Variants in MED12L observed in about 807,000 individuals in gnomAD.
The protein encoded by MED12L is mediator of RNA polymerase II transcription subunit 12-like protein.
MED12L carries 60 observed loss-of-function variants against 281.3 expected under a neutral mutation model. The ratio of observed to expected loss-of-function variants is 0.21; its 90% CI spans 0.17 to 0.26. The LOEUF (loss-of-function observed/expected upper bound fraction) is 0.26, where lower values mean the gene tolerates loss of function less well. Among genes scored for constraint, MED12L ranks in the 10% least tolerant of loss-of-function variants. MED12L has a pLI of 1.00. For missense variants in MED12L, 2,146 were observed against 2,680.9 expected, an observed-to-expected ratio of 0.80 and a Z score of 4.41; for synonymous variants, 974 against 987.2, an observed-to-expected ratio of 0.99 and a Z score of 0.25.
intron 2 of MED12L, among the ~76,000 whole-genome samples, chr3:151,111,855 G>A (rs569997223): frequency 1.9e-4 from 29 of 152,270 alleles, no homozygotes; most frequent in African/African-American, 7.0e-4. Context: ...GGAGTTAGTT[G>A]GTTGTGGCTG....
chr3:151,268,322 AAAAG>A (rs1188402814), intron 16 of MED12L, among the ~76,000 whole-genome samples: 1 of 152,172 alleles, frequency 6.6e-6, no homozygotes, highest in African/African-American at 2.4e-5. Context: ...TAATTTGTTA[AAAAG>A]AATTCAGTCT....
chr3:151,229,012 T>C (rs1731084468), intron 16 of MED12L, among the ~76,000 whole-genome samples: 1 of 152,228 alleles, frequency 6.6e-6, no homozygotes, highest in African/African-American at 2.4e-5. Flanking sequence ...TATCCTTTGC[T>C]GTGAAGATGA....
chr3:151,126,543 T>G (rs1714555674), intron 4 of MED12L, among the ~76,000 whole-genome samples: 1 of 152,206 alleles, frequency 6.6e-6, no homozygotes, highest in African/African-American at 2.4e-5. Context: ...GACATGTCAG[T>G]GCACAGATAT....
chr3:151,407,310 A>G (rs1000634106), intron 39 of MED12L, among the ~76,000 whole-genome samples: 34 of 152,242 alleles, frequency 2.2e-4, no homozygotes, highest in Non-Finnish European at 4.3e-4. Flanking sequence ...TGTCACATGC[A>G]GATCGCATTC....
chr3:151,239,437 G>C (rs1306470997), intron 16 of MED12L, among the ~76,000 whole-genome samples: 1 of 152,186 alleles, frequency 6.6e-6, no homozygotes, highest in Non-Finnish European at 1.5e-5. Context: ...TTTTGCAAGA[G>C]ATTGGACATG....
intron 16 of MED12L, among the ~76,000 whole-genome samples, chr3:151,243,359 C>T (rs1734638991): frequency 6.6e-6 from 1 of 150,796 alleles, no homozygotes; most frequent in Non-Finnish European, 1.5e-5. Context: ...TTAAGGGCAG[C>T]CAGAGAGAAA....
At chr3:151,184,772 G>A (rs1391917065) in intron 11 of MED12L, among the ~76,000 whole-genome samples, 2 of 152,092 alleles carry the variant, frequency 1.3e-5, no homozygotes, top group Non-Finnish European at 2.9e-5. Context: ...TTTGGTGCTG[G>A]GCTGTCATTT....
intron 40 of MED12L, among the ~76,000 whole-genome samples, chr3:151,410,145 T>C (rs969696040): frequency 6.6e-6 from 1 of 152,198 alleles, no homozygotes; most frequent in African/African-American, 2.4e-5. Flanking sequence ...AGATGAAGTG[T>C]ATGAGGACAA....
chr3:151,296,523 C>G (rs1232261159), intron 16 of MED12L, among the ~76,000 whole-genome samples: 2 of 152,094 alleles, frequency 1.3e-5, no homozygotes, highest in Non-Finnish European at 2.9e-5. Flanking sequence ...TGGAGGAGTA[C>G]TTACCAGTCT....
intron 16 of MED12L, among the ~76,000 whole-genome samples, chr3:151,260,117 G>C (rs1409936562): frequency 6.6e-6 from 1 of 152,184 alleles, no homozygotes; most frequent in African/African-American, 2.4e-5. Context: ...GGTGGGCTTA[G>C]GGTAGCAGAT....
chr3:151,129,323 A>G (rs1715002468), intron 5 of MED12L, among the ~76,000 whole-genome samples: 1 of 152,214 alleles, frequency 6.6e-6, no homozygotes, highest in Non-Finnish European at 1.5e-5. Flanking sequence ...TGAGTTCAGC[A>G]TCATCCTATA....
chr3:151,230,466 T>G (rs917228132), intron 16 of MED12L, among the ~76,000 whole-genome samples: 7 of 152,204 alleles, frequency 4.6e-5, no homozygotes. Flanking sequence ...GTAAAAAAAT[T>G]CTGATAAACA....
chr3:151,337,756 G>A (rs1444723827), intron 16 of MED12L: 2 of 1,512,880 alleles, frequency 1.3e-6, no homozygotes, highest in Non-Finnish European at 1.8e-6. Flanking sequence ...TTTTTACTTA[G>A]CGCTTTGCTT....
intron 16 of MED12L, among the ~76,000 whole-genome samples, chr3:151,285,806 T>G (rs1203978596): frequency 1.3e-5 from 2 of 151,950 alleles, no homozygotes; most frequent in Non-Finnish European, 1.5e-5. Flanking sequence ...ATGGGATCAG[T>G]GGTTGTATAA....
At chr3:151,111,474 C>T (rs1250393181) in intron 2 of MED12L, among the ~76,000 whole-genome samples, 1 of 152,154 alleles carries the variant, frequency 6.6e-6, no homozygotes, top group Non-Finnish European at 1.5e-5. Flanking sequence ...CTTAGAGTCC[C>T]TCTTAAATGG....
At chr3:151,314,639 C>T (rs998115912) in intron 16 of MED12L, among the ~76,000 whole-genome samples, 12 of 152,152 alleles carry the variant, frequency 7.9e-5, no homozygotes, top group Non-Finnish European at 1.2e-4. Context: ...ATTAACATCA[C>T]GTAGCTGGCT....
chr3:151,326,243 A>G (rs546852401), intron 16 of MED12L: 1 of 152,716 alleles, frequency 6.5e-6, no homozygotes, highest in East Asian at 1.9e-4. Flanking sequence ...TTGTCTTTGG[A>G]TAATAAAAAC....
At chr3:151,363,110 G>C (rs1040299749) in intron 21 of MED12L, among the ~76,000 whole-genome samples, 1 of 152,040 alleles carries the variant, frequency 6.6e-6, no homozygotes, top group East Asian at 1.9e-4. Context: ...GGGGTGTGTG[G>C]AAATTTAGGG....
chr3:151,140,376 A>G (rs1285137079), intron 5 of MED12L, among the ~76,000 whole-genome samples: 2 of 152,184 alleles, frequency 1.3e-5, no homozygotes, highest in Non-Finnish European at 2.9e-5. Flanking sequence ...TGCAAAACTG[A>G]AACTGCCCAT....
Sources: allele counts gnomAD v4.1 joint callset (sites outside exome capture counted in the v4.1 genomes callset), GRCh38; gene constraint gnomAD v4.1.1; transcripts MANE v1.5; gene names NCBI Gene and HGNC (gene_info 2026-07-23, HGNC 2026-07-21).